INSL6: variants seen among roughly 807,000 people sequenced by gnomAD.
INSL6 encodes insulin-like peptide INSL6.
In INSL6, 16 loss-of-function variants were observed where a neutral mutation model predicts 9.4. The observed-to-expected ratio is 1.70, with a 90% CI of 1.15 to 2.59. The LOEUF is 2.59. INSL6 is among the 30% of genes most tolerant of loss of function. The pLI is 0.00. For missense variants in INSL6, 391 were observed against 257.3 expected, an observed-to-expected ratio of 1.52 and a Z score of -3.56; for synonymous variants, 154 against 96.9, an observed-to-expected ratio of 1.59 and a Z score of -3.46.
rs75461706 is a variant in INSL6 at position 5,165,438 on chromosome 9, T to A, written c.290-1173A>T. On this transcript the variant is annotated intron_variant, in intron 1 of 1. Coordinates refer to ENST00000381641, the MANE Select transcript of INSL6 (RefSeq NM_007179.3). ...AATTTTCCCACATCCCCATCAAAAC[T>A]TGACATTTTCCATTTTTTGATTATC... 5.3e-5 allele frequency among the ~76,000 whole-genome samples: 8 copies of A among 152,296 alleles called. 1 individual carries two copies. The East Asian group carries it at 1.5e-3, about 29-fold the overall frequency.
rs139964957 is a variant in INSL6, at chr9:5,128,080, T to TTGTGTG, written c.*11-3575_*11-3570dup. The TTGTGTG allele has an allele frequency of 5.6e-3, 1,258 of 224,700 alleles. 11 individuals carry two copies. The highest frequency in any genetic ancestry group is 0.025 in the African/African-American group (1,091 of 43,238). The allele number at this position is 224,700 out of a possible 1,614,324, so 13.9% of individuals were successfully genotyped here. ...TAGCTAAAATAAAATATGGTGGGTT[T>TTGTGTG]TGTGTGTGTGTGTGTGTGTGTGTGT... On this transcript the variant is annotated intron_variant, in intron 3 of 3. Transcript: ENST00000649639.
In INSL6 at chr9:5,147,327, C is replaced by G. The variant is rs571440183; in HGVS notation, c.377-13735G>C. On this transcript the variant is annotated intron_variant, in intron 2 of 3. Coordinates refer to the INSL6 transcript ENST00000649639. ...ACAGTCTGGACTCCTCTCCTTGGGT[C>G]GACTGCAGCTTGCTGGAGGTGTGGA... is the stretch of plus-strand genomic sequence containing the variant. 2.0e-5 allele frequency among the ~76,000 whole-genome samples: 3 copies of G among 152,210 alleles called. No individual in the cohort carries two copies. The East Asian group carries it at 5.8e-4, about 29-fold the overall frequency.
intron 1 of INSL6, among the ~76,000 whole-genome samples, chr9:5,169,244 C>G (rs952245576): frequency 2.0e-5 from 3 of 152,220 alleles, no homozygotes; most frequent in Non-Finnish European, 2.9e-5. Flanking sequence ...TAAATAATTT[C>G]TAACCTATAA....
chr9:5,006,151 G>C, the INSL6 span, among the ~76,000 whole-genome samples: 12 of 152,170 alleles, frequency 7.9e-5, no homozygotes, highest in South Asian at 4.2e-4. Flanking sequence ...CCATTTGTTT[G>C]TATCCTCTTT....
chr9:4,995,434 C>T, the INSL6 span, among the ~76,000 whole-genome samples: 1 of 152,162 alleles, frequency 6.6e-6, no homozygotes, highest in Non-Finnish European at 1.5e-5. Context: ...GGAATTTATA[C>T]TGATGCAAGA....
the INSL6 span, among the ~76,000 whole-genome samples, chr9:5,086,593 TA>T: frequency 2.0e-5 from 3 of 150,506 alleles, no homozygotes; most frequent in Admixed American, 6.6e-5. Context: ...TTCCAATACT[TA>T]AAAAAAAAAT....
At chr9:5,086,487 C>G in the INSL6 span, among the ~76,000 whole-genome samples, 2 of 152,104 alleles carry the variant, frequency 1.3e-5, no homozygotes, top group Non-Finnish European at 2.9e-5. Flanking sequence ...TCCTCTCTTC[C>G]CATCATTAGC....
chr9:5,089,687 G>T, the INSL6 span: 2 of 1,396,362 alleles, frequency 1.4e-6, no homozygotes, highest in Non-Finnish European at 1.9e-6. Flanking sequence ...AATTTTGGGA[G>T]TGTGGAGATG....
At chr9:5,020,358 C>T in the INSL6 span, among the ~76,000 whole-genome samples, 15 of 152,136 alleles carry the variant, frequency 9.9e-5, no homozygotes, top group Admixed American at 7.2e-4. Context: ...TGCTTGGATA[C>T]GTGGGAGTGG....
At chr9:5,083,306 T>C in the INSL6 span, among the ~76,000 whole-genome samples, 2 of 152,312 alleles carry the variant, frequency 1.3e-5, no homozygotes, top group East Asian at 3.9e-4. Context: ...AACCTACATA[T>C]TATAAGTAAG....
intron 1 of INSL6, among the ~76,000 whole-genome samples, chr9:5,183,319 T>C (rs563262647): frequency 6.6e-6 from 1 of 152,228 alleles, no homozygotes; most frequent in African/African-American, 2.4e-5. Flanking sequence ...TGTTACATAG[T>C]ATTTCCACTT....
At chr9:5,041,410 G>C in the INSL6 span, 1 of 630,102 alleles carries the variant, frequency 1.6e-6, no homozygotes. Context: ...ACCTGGAGGT[G>C]CTGGGCCACA....
At chr9:5,064,474 G>A in the INSL6 span, among the ~76,000 whole-genome samples, 1 of 150,614 alleles carries the variant, frequency 6.6e-6, no homozygotes, top group Non-Finnish European at 1.5e-5. Flanking sequence ...AGGTTGCAGT[G>A]AGCCAAGATT....
the INSL6 span, among the ~76,000 whole-genome samples, chr9:5,042,639 C>A: frequency 6.6e-6 from 1 of 151,884 alleles, no homozygotes; most frequent in Admixed American, 6.5e-5. Context: ...TAAAGTCCAG[C>A]TTGTCTCCCT....
At chr9:5,065,974 C>G in the INSL6 span, among the ~76,000 whole-genome samples, 7 of 152,096 alleles carry the variant, frequency 4.6e-5, no homozygotes, top group Non-Finnish European at 1.0e-4. Flanking sequence ...CTGTAATTTA[C>G]ATGTTTAATA....
intron 1 of INSL6, among the ~76,000 whole-genome samples, chr9:5,174,563 T>C (rs1586877301): frequency 6.6e-6 from 1 of 152,190 alleles, no homozygotes; most frequent in Non-Finnish European, 1.5e-5. Flanking sequence ...CCCCAACTTA[T>C]TATTGTTGGT....
intron 1 of INSL6, among the ~76,000 whole-genome samples, chr9:5,178,077 G>C (rs763272346): frequency 6.6e-6 from 1 of 152,128 alleles, no homozygotes; most frequent in Non-Finnish European, 1.5e-5. Context: ...GGTTTGCCAT[G>C]TTGCCCAAGC....
chr9:5,110,734 CG>C, the INSL6 span: 2 of 362,956 alleles, frequency 5.5e-6, no homozygotes, highest in Non-Finnish European at 1.1e-5. Flanking sequence ...CTATAGTACC[CG>C]TGTTATTTTC....
the INSL6 span, among the ~76,000 whole-genome samples, chr9:5,034,857 G>T: frequency 1.3e-5 from 2 of 152,262 alleles, no homozygotes; most frequent in South Asian, 2.1e-4. Context: ...ACATTCAAAA[G>T]CTAGCAGAAG....
Sources: allele counts gnomAD v4.1 joint callset (sites outside exome capture counted in the v4.1 genomes callset), GRCh38; gene constraint gnomAD v4.1.1; transcripts MANE v1.5; gene names NCBI Gene and HGNC (gene_info 2026-07-23, HGNC 2026-07-21).